Variants in HEMK2 observed in about 807,000 individuals in gnomAD.
HEMK2 encodes the protein methyltransferase HEMK2.
the HEMK2 span, among the ~76,000 whole-genome samples, chr21:28,657,608 G>A: frequency 6.6e-6 from 1 of 152,080 alleles, no homozygotes; most frequent in African/African-American, 2.4e-5. Flanking sequence ...ACCTCTGGAA[G>A]TCAGAACACT....
At chr21:28,744,997 C>T in the HEMK2 span, among the ~76,000 whole-genome samples, 26,029 of 152,104 alleles carry the variant, frequency 0.17, 2,578 homozygotes, top group East Asian at 0.25. Context: ...GAGTCACAGA[C>T]AATTCAATTT....
chr21:28,626,834 A>G, the HEMK2 span, among the ~76,000 whole-genome samples: 1 of 152,340 alleles, frequency 6.6e-6, no homozygotes, highest in African/African-American at 2.4e-5. Flanking sequence ...GTAATGAGAC[A>G]CTACTTCAAA....
the HEMK2 span, among the ~76,000 whole-genome samples, chr21:28,650,719 G>C: frequency 6.6e-6 from 1 of 152,138 alleles, no homozygotes; most frequent in African/African-American, 2.4e-5. Context: ...CAGAGTTGAA[G>C]TCTAGTCTTG....
At chr21:28,676,926 G>C in the HEMK2 span, among the ~76,000 whole-genome samples, 1 of 152,170 alleles carries the variant, frequency 6.6e-6, no homozygotes, top group Non-Finnish European at 1.5e-5. Context: ...ATGGAGCCAA[G>C]ATGGCCGAAT....
chr21:28,690,004 A>G, the HEMK2 span, among the ~76,000 whole-genome samples: 1 of 152,162 alleles, frequency 6.6e-6, no homozygotes, highest in African/African-American at 2.4e-5. Flanking sequence ...ACAGTTCCTC[A>G]TGGCTGGGGA....
the HEMK2 span, among the ~76,000 whole-genome samples, chr21:28,702,422 A>T: frequency 6.6e-6 from 1 of 151,996 alleles, no homozygotes; most frequent in African/African-American, 2.4e-5. Flanking sequence ...AAATATTTGC[A>T]AACTATGCAT....
At chr21:28,699,810 T>C in the HEMK2 span, among the ~76,000 whole-genome samples, 1 of 152,246 alleles carries the variant, frequency 6.6e-6, no homozygotes, top group Non-Finnish European at 1.5e-5. Context: ...ATGGTTCAGA[T>C]AGGGTTTCGT....
the HEMK2 span, among the ~76,000 whole-genome samples, chr21:28,844,096 T>C: frequency 6.6e-6 from 1 of 152,106 alleles, no homozygotes; most frequent in African/African-American, 2.4e-5. Context: ...ATTATATATA[T>C]ATACACATTT....
At chr21:28,760,701 G>T in the HEMK2 span, among the ~76,000 whole-genome samples, 1 of 151,930 alleles carries the variant, frequency 6.6e-6, no homozygotes, top group Admixed American at 6.6e-5. Flanking sequence ...CATTTATTTT[G>T]TACACTGTCC....
At chr21:28,631,353 G>A in the HEMK2 span, among the ~76,000 whole-genome samples, 2 of 152,174 alleles carry the variant, frequency 1.3e-5, no homozygotes, top group African/African-American at 4.8e-5. Context: ...ACCTGTAAAA[G>A]TTTTTCTACT....
chr21:28,796,478 T>C, the HEMK2 span, among the ~76,000 whole-genome samples: 1 of 152,172 alleles, frequency 6.6e-6, no homozygotes, highest in East Asian at 1.9e-4. Context: ...ATGTTCCAAT[T>C]AGCTAGACTC....
chr21:28,677,996 C>G, the HEMK2 span, among the ~76,000 whole-genome samples: 1 of 152,254 alleles, frequency 6.6e-6, no homozygotes, highest in Non-Finnish European at 1.5e-5. Context: ...GCCTCTCCTC[C>G]TCCAAAGGAA....
chr21:28,834,061 C>T, the HEMK2 span, among the ~76,000 whole-genome samples: 1 of 152,186 alleles, frequency 6.6e-6, no homozygotes, highest in Non-Finnish European at 1.5e-5. Flanking sequence ...GTGGTTTATG[C>T]TTGCTTCTGG....
At chr21:28,619,395 A>G in the HEMK2 span, among the ~76,000 whole-genome samples, 1 of 152,226 alleles carries the variant, frequency 6.6e-6, no homozygotes, top group East Asian at 1.9e-4. Context: ...AAGGTGACAT[A>G]AAGGCTTTGA....
chr21:28,654,778 C>T, the HEMK2 span, among the ~76,000 whole-genome samples: 1 of 152,046 alleles, frequency 6.6e-6, no homozygotes. Context: ...TAGGTTAATA[C>T]ATTAAGTTAG....
the HEMK2 span, among the ~76,000 whole-genome samples, chr21:28,789,730 A>AC: frequency 6.6e-6 from 1 of 152,222 alleles, no homozygotes; most frequent in African/African-American, 2.4e-5. Flanking sequence ...TATGACATAT[A>AC]CTTGCTTCAG....
At chr21:28,881,496 T>C in the HEMK2 span, among the ~76,000 whole-genome samples, 2 of 152,226 alleles carry the variant, frequency 1.3e-5, no homozygotes, top group South Asian at 2.1e-4. Flanking sequence ...GATACAGATA[T>C]GCAAACATCT....
the HEMK2 span, among the ~76,000 whole-genome samples, chr21:28,686,576 T>A: frequency 2.5e-3 from 374 of 152,306 alleles, 4 homozygotes; most frequent in East Asian, 0.021. Context: ...TAAATTTCTT[T>A]ATATAGACAG....
At chr21:28,794,224 C>T in the HEMK2 span, among the ~76,000 whole-genome samples, 1 of 152,302 alleles carries the variant, frequency 6.6e-6, no homozygotes, top group East Asian at 1.9e-4. Context: ...AAATACTTCA[C>T]TGTCTACCTA....
Sources: allele counts gnomAD v4.1 joint callset (sites outside exome capture counted in the v4.1 genomes callset), GRCh38; gene constraint gnomAD v4.1.1; transcripts MANE v1.5; gene names NCBI Gene and HGNC (gene_info 2026-07-23, HGNC 2026-07-21).